Variants in PKNOX2 observed in about 807,000 individuals in gnomAD.
PKNOX2 encodes homeobox protein PKNOX2.
Under a neutral mutation model 53.1 loss-of-function variants are expected in PKNOX2, and 14 were observed. The ratio of observed to expected loss-of-function variants is 0.26; its 90% CI spans 0.17 to 0.41. PKNOX2 has a LOEUF of 0.41. Ranked by LOEUF, PKNOX2 falls within the 10% of genes least tolerant of loss-of-function variation. The probability of loss-of-function intolerance (pLI) is 1.00; values close to 1 mark genes in which losing one functional copy is unlikely to be tolerated. For missense variants in PKNOX2, 496 were observed against 602.8 expected (o/e 0.82, Z 1.85); for synonymous variants, 257 against 242.8 (o/e 1.06, Z -0.54).
intron 10 of PKNOX2, among the ~76,000 whole-genome samples, chr11:125,416,508 T>C (rs1005827963): frequency 6.6e-6 from 1 of 151,902 alleles, no homozygotes; most frequent in Non-Finnish European, 1.5e-5. Flanking sequence ...GCGACTCTTT[T>C]TGCACTCATA....
chr11:125,348,486 T>C lies in PKNOX2; in HGVS notation c.-22-2798T>C, dbSNP rs147815706. ...CAAGGAGGGGGAGGGGCCAGGGCCATCTGGGTCCTCAGAATATTGTTCCTG... is the reference window on the plus strand; with the variant it reads ...CAAGGAGGGGGAGGGGCCAGGGCCACCTGGGTCCTCAGAATATTGTTCCTG... On this transcript the variant is annotated intron_variant, in intron 3 of 12. Transcript: ENST00000298282. 1.6e-4 allele frequency among the ~76,000 whole-genome samples: 25 copies of C among 152,332 alleles called. 1 individual carries two copies. The highest frequency in any genetic ancestry group is 7.8e-4 in the Admixed American group (12 of 15,302).
chr11:125,377,793 G>GA (rs1226334205), intron 5 of PKNOX2, among the ~76,000 whole-genome samples: 15 of 152,118 alleles, frequency 9.9e-5, no homozygotes, highest in Non-Finnish European at 2.1e-4. Flanking sequence ...AAACGCAAAA[G>GA]AAAAAATCTC....
At chr11:125,375,509 C>T (rs1483269857) in intron 5 of PKNOX2, among the ~76,000 whole-genome samples, 1 of 152,226 alleles carries the variant, frequency 6.6e-6, no homozygotes, top group South Asian at 2.1e-4. Context: ...TTTTAAATCT[C>T]AACTCAGTTA....
chr11:125,236,451 G>T lies in PKNOX2; in HGVS notation c.-130+1336G>T, dbSNP rs558170157. On this transcript the variant is annotated intron_variant, in intron 2 of 12. Transcript: ENST00000298282. ...TTGTGAGAATCGATGTCTCCTCCTC[G>T]CATCGGAGGTTAGAGGGACCTCATA... is the stretch of plus-strand genomic sequence containing the variant. 6.7e-4 allele frequency among the ~76,000 whole-genome samples: 102 copies of T among 152,124 alleles called. 1 individual carries two copies. In the South Asian group the frequency reaches 0.019, roughly 29 times the overall value.
At chr11:125,202,502 G>C (rs1938565382) in intron 1 of PKNOX2, among the ~76,000 whole-genome samples, 1 of 152,242 alleles carries the variant, frequency 6.6e-6, no homozygotes, top group African/African-American at 2.4e-5. Flanking sequence ...TCCCCAAAGA[G>C]GTCTGGGCAG....
chr11:125,332,760 C>T (rs1325675175), intron 3 of PKNOX2: 1 of 152,160 alleles, frequency 6.6e-6, no homozygotes, highest in Non-Finnish European at 1.5e-5. Flanking sequence ...CAGCAGAAAT[C>T]ATCGCCAAAT....
At chr11:125,249,303 G>T (rs1943820496) in intron 2 of PKNOX2, among the ~76,000 whole-genome samples, 1 of 151,988 alleles carries the variant, frequency 6.6e-6, no homozygotes. Context: ...ATTTGACTTT[G>T]ATTTGGTCCT....
chr11:125,393,971 ACT>A (rs1187660768), intron 6 of PKNOX2, among the ~76,000 whole-genome samples: 2 of 151,798 alleles, frequency 1.3e-5, no homozygotes, highest in Non-Finnish European at 2.9e-5. Flanking sequence ...CAGTTGTGTG[ACT>A]CTAAGCAAGG....
intron 1 of PKNOX2, among the ~76,000 whole-genome samples, chr11:125,210,862 G>A (rs527517660): frequency 3.9e-5 from 6 of 152,198 alleles, no homozygotes; most frequent in South Asian, 4.2e-4. Context: ...GCACTGGGGC[G>A]TCCTGTTGTG....
chr11:125,323,237 A>G (rs1246574871), intron 2 of PKNOX2, among the ~76,000 whole-genome samples: 1 of 152,184 alleles, frequency 6.6e-6, no homozygotes, highest in African/African-American at 2.4e-5. Flanking sequence ...CAAAATCACC[A>G]TGGCTGGAAG....
chr11:125,392,600 C>T (rs375070617), intron 6 of PKNOX2, among the ~76,000 whole-genome samples: 15 of 152,192 alleles, frequency 9.9e-5, no homozygotes, highest in Middle Eastern at 3.4e-3. Context: ...ACATGCTGTG[C>T]GTGTATTTTA....
At chr11:125,242,902 T>C (rs1401651508) in intron 2 of PKNOX2, among the ~76,000 whole-genome samples, 1 of 152,186 alleles carries the variant, frequency 6.6e-6, no homozygotes, top group Non-Finnish European at 1.5e-5. Flanking sequence ...GCTCAGCGAA[T>C]GCAATGGATA....
At chr11:125,243,913 T>C (rs1183679650) in intron 2 of PKNOX2, among the ~76,000 whole-genome samples, 1 of 152,188 alleles carries the variant, frequency 6.6e-6, no homozygotes, top group African/African-American at 2.4e-5. Context: ...TGAGCCACCA[T>C]GCCCAGCCTG....
intron 2 of PKNOX2, among the ~76,000 whole-genome samples, chr11:125,312,276 G>T (rs1948856481): frequency 6.6e-6 from 1 of 152,166 alleles, no homozygotes; most frequent in African/African-American, 2.4e-5. Flanking sequence ...AATTCTTTTG[G>T]ATGAAACTGA....
chr11:125,274,175 T>A (rs1946005504), intron 2 of PKNOX2, among the ~76,000 whole-genome samples: 2 of 152,248 alleles, frequency 1.3e-5, no homozygotes, highest in Non-Finnish European at 2.9e-5. Context: ...CTTATTATTA[T>A]CCTACTCTTA....
At chr11:125,275,746 G>A (rs565271385) in intron 2 of PKNOX2, among the ~76,000 whole-genome samples, 5 of 152,152 alleles carry the variant, frequency 3.3e-5, no homozygotes, top group Non-Finnish European at 5.9e-5. Context: ...TAGGATCTGA[G>A]GGGAGAAATT....
At chr11:125,410,365 C>G (rs1214084685) in intron 8 of PKNOX2, 40 bp downstream of exon 8, 11 of 1,611,054 alleles carry the variant, frequency 6.8e-6, no homozygotes, top group Non-Finnish European at 9.3e-6. Context: ...TGGGAATTCC[C>G]TGGGAGGAGA....
At chr11:125,238,433 A>G (rs1942903302) in intron 2 of PKNOX2, among the ~76,000 whole-genome samples, 1 of 152,204 alleles carries the variant, frequency 6.6e-6, no homozygotes, top group African/African-American at 2.4e-5. Flanking sequence ...GGATGATGTT[A>G]TTATCTCTAT....
intron 2 of PKNOX2, among the ~76,000 whole-genome samples, chr11:125,291,213 A>G (rs768401349): frequency 2.0e-4 from 31 of 152,192 alleles, no homozygotes; most frequent in Non-Finnish European, 4.0e-4. Context: ...TTGGAGGCAG[A>G]TGAGTAGACC....
Sources: allele counts gnomAD v4.1 joint callset (sites outside exome capture counted in the v4.1 genomes callset), GRCh38; gene constraint gnomAD v4.1.1; transcripts MANE v1.5; gene names NCBI Gene and HGNC (gene_info 2026-07-23, HGNC 2026-07-21).